Variants in SYN3 observed in about 807,000 individuals in gnomAD.
SYN3 encodes synapsin III.
SYN3 carries 35 observed loss-of-function variants against 65.8 expected under a neutral mutation model. That is an observed-to-expected ratio of 0.53 (90% confidence interval 0.41 to 0.70). SYN3 has a LOEUF of 0.70. SYN3 is among the 30% of genes least tolerant of loss of function. The pLI is 0.00. For synonymous variants in SYN3, 270 were observed against 292.9 expected (o/e 0.92, Z 0.80); for missense variants, 680 against 749.0 (o/e 0.91, Z 1.08).
chr22:32,841,369 A>G (rs2047897031), intron 6 of SYN3, among the ~76,000 whole-genome samples: 1 of 152,176 alleles, frequency 6.6e-6, no homozygotes, highest in Admixed American at 6.5e-5. Context: ...ATGTGCATGG[A>G]TCAGGATCAG....
At chr22:32,988,135 C>CA (rs1569381747) in intron 2 of SYN3, among the ~76,000 whole-genome samples, 2 of 151,570 alleles carry the variant, frequency 1.3e-5, no homozygotes. Context: ...GGTGAAACGC[C>CA]ATCTCTACTA....
chr22:32,526,597 C>T (rs1407286599), intron 12 of SYN3, among the ~76,000 whole-genome samples: 1 of 152,072 alleles, frequency 6.6e-6, no homozygotes, highest in African/African-American at 2.4e-5. Flanking sequence ...CTCACTGCAA[C>T]CTCCGCCTCC....
intron 1 of SYN3, among the ~76,000 whole-genome samples, chr22:33,053,711 T>C (rs987422474): frequency 5.9e-5 from 9 of 152,146 alleles, no homozygotes; most frequent in African/African-American, 2.2e-4. Context: ...CACTATCTCT[T>C]GGAAGCCTTC....
chr22:32,941,535 G>A (rs2050938158), intron 3 of SYN3, among the ~76,000 whole-genome samples: 2 of 150,654 alleles, frequency 1.3e-5, no homozygotes, highest in African/African-American at 4.8e-5. Context: ...CGCAGAAGAT[G>A]GGTGATTTCT....
rs559615174 is a variant in SYN3, at chr22:32,737,317, CTTTTT to C, written c.711+127593_711+127597del. Among the ~76,000 whole-genome samples the C allele has an allele frequency of 7.4e-3, 1,109 of 149,468 alleles. 20 individuals carry two copies. The highest frequency in any genetic ancestry group is 6.5e-3 in the Non-Finnish European group (436 of 67,082). On this transcript the variant is annotated intron_variant, in intron 6 of 13. Coordinates refer to ENST00000358763, the MANE Select transcript of SYN3 (RefSeq NM_003490.4). ...GCCATTCTTCTGGATCTTTTCTTTT[CTTTTT>C]TTTTTAATTATACTTTAAGTTTTAG...
intron 1 of SYN3, among the ~76,000 whole-genome samples, chr22:33,037,819 T>A (rs1191240435): frequency 6.6e-6 from 1 of 152,012 alleles, no homozygotes; most frequent in Non-Finnish European, 1.5e-5. Context: ...TACCTGCACC[T>A]CCAGCTCTAG....
chr22:32,835,187 A>G (rs1345185403), intron 6 of SYN3, among the ~76,000 whole-genome samples: 2 of 152,224 alleles, frequency 1.3e-5, no homozygotes, highest in Non-Finnish European at 2.9e-5. Context: ...AGAGAAAGGT[A>G]GGGTGATACA....
At chr22:32,892,652 G>T (rs1222311671) in intron 4 of SYN3, among the ~76,000 whole-genome samples, 2 of 152,176 alleles carry the variant, frequency 1.3e-5, no homozygotes, top group African/African-American at 4.8e-5. Context: ...ATTCAATTCT[G>T]CTAGGTGGAC....
chr22:32,585,720 A>T (rs1446633733), intron 7 of SYN3, among the ~76,000 whole-genome samples: 5 of 152,088 alleles, frequency 3.3e-5, no homozygotes, highest in Non-Finnish European at 7.3e-5. Flanking sequence ...TCAACAGGTG[A>T]ACATTGGGTT....
intron 6 of SYN3, among the ~76,000 whole-genome samples, chr22:32,684,925 G>A (rs946640898): frequency 6.6e-6 from 1 of 152,104 alleles, no homozygotes; most frequent in Non-Finnish European, 1.5e-5. Flanking sequence ...CAAGATTGTT[G>A]GGAGGACGAA....
At chr22:32,702,243 T>C (rs1019044358) in intron 6 of SYN3, among the ~76,000 whole-genome samples, 8 of 152,146 alleles carry the variant, frequency 5.3e-5, no homozygotes, top group African/African-American at 1.9e-4. Flanking sequence ...TTTGGGAGGC[T>C]GAGGCGGGTG....
intron 6 of SYN3, among the ~76,000 whole-genome samples, chr22:32,633,059 A>C (rs1366846815): frequency 6.6e-6 from 1 of 152,076 alleles, no homozygotes; most frequent in African/African-American, 2.4e-5. Flanking sequence ...TTACTTCTCC[A>C]CTCTGAACCT....
Position 32,544,086 on chromosome 22 carries a change from G to C in SYN3, c.775-2373C>G, listed in dbSNP as rs370428493. ...GCCGAGTAGCCGGGACTACAGGCGTGCACCACCATGCCCGGCTAGTTTTTG... is the reference window on the plus strand; with the variant it reads ...GCCGAGTAGCCGGGACTACAGGCGTCCACCACCATGCCCGGCTAGTTTTTG... On this transcript the variant is annotated intron_variant, in intron 7 of 13. Transcript: ENST00000358763. 1.4e-4 allele frequency among the ~76,000 whole-genome samples: 21 copies of C among 152,292 alleles called. No individual in the cohort carries two copies. In the South Asian group the frequency reaches 4.2e-3, roughly 30 times the overall value.
intron 6 of SYN3, among the ~76,000 whole-genome samples, chr22:32,631,944 A>T (rs1470673676): frequency 6.6e-6 from 1 of 152,224 alleles, no homozygotes; most frequent in Non-Finnish European, 1.5e-5. Context: ...CTATGAGGTG[A>T]GGAATTTGCC....
intron 10 of SYN3, among the ~76,000 whole-genome samples, chr22:32,531,196 CTA>C (rs1389160969): frequency 1.5e-5 from 2 of 135,552 alleles, no homozygotes; most frequent in African/African-American, 5.5e-5. Flanking sequence ...AGTACTGCTT[CTA>C]GCAGGGTCCT....
chr22:32,806,771 TATTTATC>T (rs925521482), intron 6 of SYN3, among the ~76,000 whole-genome samples: 2 of 149,654 alleles, frequency 1.3e-5, no homozygotes, highest in African/African-American at 4.9e-5. Context: ...TATCCATTTC[TATTTATC>T]ATTTATCATC....
intron 6 of SYN3, among the ~76,000 whole-genome samples, chr22:32,770,898 T>C (rs985494001): frequency 1.3e-5 from 1 of 76,918 alleles, no homozygotes; most frequent in Non-Finnish European, 2.4e-5. Flanking sequence ...TTATTATTAT[T>C]TATTTATTTT....
intron 3 of SYN3, among the ~76,000 whole-genome samples, chr22:32,976,069 T>G (rs1308816728): frequency 2.6e-5 from 4 of 152,160 alleles, no homozygotes; most frequent in Admixed American, 2.0e-4. Flanking sequence ...GTTTAAAATA[T>G]TTTAAGGGGA....
intron 6 of SYN3, chr22:32,783,371 C>T (rs2046119648): frequency 6.6e-6 from 1 of 152,186 alleles, no homozygotes; most frequent in African/African-American, 2.4e-5. Context: ...TAAGTAATTC[C>T]TTGCAATGTG....
Sources: allele counts gnomAD v4.1 joint callset (sites outside exome capture counted in the v4.1 genomes callset), GRCh38; gene constraint gnomAD v4.1.1; transcripts MANE v1.5; gene names NCBI Gene and HGNC (gene_info 2026-07-23, HGNC 2026-07-21).